The following GRK5 variants were observed in gnomAD, a reference collection of about 807,000 sequenced individuals.
GRK5 encodes the protein g protein-coupled receptor kinase GRK5.
Under a neutral mutation model 78.4 loss-of-function variants are expected in GRK5, and 40 were observed. The ratio of observed to expected loss-of-function variants is 0.51; its 90% confidence interval spans 0.40 to 0.66. The LOEUF (loss-of-function observed/expected upper bound fraction) is 0.66. Ranked by LOEUF, GRK5 falls within the 30% of genes least tolerant of loss-of-function variation. The pLI, the probability that GRK5 is intolerant of heterozygous loss-of-function variation, is 0.00. For missense variants in GRK5, 598 were observed against 759.9 expected, an observed-to-expected ratio of 0.79 and a Z score of 2.50; for synonymous variants, 289 against 296.8, an observed-to-expected ratio of 0.97 and a Z score of 0.27.
At chr10:119,406,589 G>C (rs1453150485) in intron 4 of GRK5, 3 of 507,394 alleles carry the variant, frequency 5.9e-6, no homozygotes, top group Non-Finnish European at 7.6e-6. Context: ...CCCCGGAACA[G>C]GTCATCCTGT....
chr10:119,442,076 G>A lies in GRK5; in HGVS notation c.1045G>A (p.Val349Ile). 6.2e-7 allele frequency: 1 copy of A among 1,613,802 alleles called. No homozygotes were observed. Among genetic ancestry groups the A allele is most frequent in the Non-Finnish European group, 8.5e-7 (1 of 1,179,770 alleles). Residue 349 changes from valine (V) to isoleucine (I), a missense_variant, in exon 11 of 16, where the codon GTT becomes ATT. By Grantham distance (29) the Val-to-Ile change is conservative (BLOSUM62 3). Transcript: ENST00000392870. ...GDLIRGRVGTVGYMAPEVLNN... is the reference protein window; with the variant it reads ...GDLIRGRVGTIGYMAPEVLNN... Reference sequence around the variant, plus strand: ...CCTGATCCGCGGCCGGGTGGGCACTGTTGGCTACATGGGTGAGTGCTGGGC... The same window carrying A: ...CCTGATCCGCGGCCGGGTGGGCACTATTGGCTACATGGGTGAGTGCTGGGC...
intron 9 of GRK5, 113 bp from the exon 10 acceptor site, chr10:119,439,618 G>A (rs1430870492): frequency 3.4e-6 from 3 of 894,644 alleles, no homozygotes; most frequent in Non-Finnish European, 3.6e-6. Flanking sequence ...AGGTGGGAAG[G>A]AAACACACTG....
intron 1 of GRK5, among the ~76,000 whole-genome samples, chr10:119,281,900 C>T (rs192826257): frequency 6.6e-6 from 1 of 152,316 alleles, no homozygotes; most frequent in Non-Finnish European, 1.5e-5. Flanking sequence ...GATCTCATTG[C>T]ACAGACAACA....
At chr10:119,295,646 C>T (rs2168221) in intron 1 of GRK5, among the ~76,000 whole-genome samples, 2,893 of 152,236 alleles carry the variant, frequency 0.019, 41 homozygotes, top group East Asian at 0.066. Context: ...GAATTAATGG[C>T]ATTTGCAGCG....
chr10:119,236,663 G>A lies in GRK5; in HGVS notation c.52+28694G>A, dbSNP rs568828730. 9.2e-4 allele frequency among the ~76,000 whole-genome samples: 140 copies of A among 151,894 alleles called. 1 individual carries two copies. Among genetic ancestry groups the A allele is most frequent in the African/African-American group, 2.3e-3 (97 of 41,402 alleles). ...TTAATTTTTTTCTTTTTTTTGAGAC[G>A]GAGTCTTGCTCTGTTGCTCAGGCTG... On this transcript the variant is annotated intron_variant, in intron 1 of 15. Transcript: ENST00000392870.
At chr10:119,432,870 A>C (rs948302791) in intron 8 of GRK5, among the ~76,000 whole-genome samples, 3 of 152,238 alleles carry the variant, frequency 2.0e-5, no homozygotes, top group African/African-American at 7.2e-5. Flanking sequence ...CAGGAGTTCA[A>C]GATCAACCTG....
chr10:119,240,693 G>C (rs1272492026), intron 1 of GRK5, among the ~76,000 whole-genome samples: 1 of 151,738 alleles, frequency 6.6e-6, no homozygotes, highest in Non-Finnish European at 1.5e-5. Context: ...TTTTTTTCTT[G>C]TAAATTTAAG....
At chr10:119,415,818 C>T (rs375786403) in intron 4 of GRK5, among the ~76,000 whole-genome samples, 49 of 152,322 alleles carry the variant, frequency 3.2e-4, no homozygotes, top group African/African-American at 1.0e-3. Flanking sequence ...ATCCTGGCCC[C>T]GCCATGGGCC....
intron 2 of GRK5, 22 bp from the exon 3 acceptor site, chr10:119,380,793 A>G (rs1468683088): frequency 1.3e-6 from 2 of 1,499,532 alleles, no homozygotes; most frequent in South Asian, 1.1e-5. Flanking sequence ...GTCTCATCAC[A>G]TTCTTCTTTT....
intron 1 of GRK5, among the ~76,000 whole-genome samples, chr10:119,251,638 G>A (rs1284694751): frequency 2.6e-5 from 4 of 152,128 alleles, no homozygotes; most frequent in South Asian, 2.1e-4. Flanking sequence ...GATGTCTGGG[G>A]GAAAGAAAAT....
intron 1 of GRK5, among the ~76,000 whole-genome samples, chr10:119,233,670 C>T: frequency 6.6e-6 from 1 of 152,130 alleles, no homozygotes. Flanking sequence ...TTAAAAGTCA[C>T]ATCCTTAGGG....
At position 119,207,876 on chromosome 10, in the gene GRK5, A is replaced by T; in HGVS notation, c.-42A>T. On this transcript the variant is annotated 5_prime_UTR_variant, in exon 1 of 16. Coordinates refer to ENST00000392870, the MANE Select transcript of GRK5 (RefSeq NM_005308.3). ...AGCAGCGGCAGCACCCCAGGCGCTG[A>T]CAGCCCCGCCGGCCGGCTCCGTTGC... 1 of 1,564,066 alleles carries T rather than the reference A, an allele frequency of 6.4e-7. No homozygotes were observed. Among genetic ancestry groups the T allele is most frequent in the Non-Finnish European group, 8.7e-7 (1 of 1,155,782 alleles).
intron 1 of GRK5, among the ~76,000 whole-genome samples, chr10:119,218,325 AG>A (rs1028875246): frequency 3.9e-5 from 6 of 152,118 alleles, no homozygotes; most frequent in African/African-American, 1.4e-4. Flanking sequence ...AGGGAAGGGG[AG>A]GGGGTAGGAG....
chr10:119,260,885 A>G (rs1243673293), intron 1 of GRK5, among the ~76,000 whole-genome samples: 1 of 151,934 alleles, frequency 6.6e-6, no homozygotes, highest in Admixed American at 6.6e-5. Context: ...CAAAACCGCC[A>G]TTGTCATCAT....
intron 1 of GRK5, among the ~76,000 whole-genome samples, chr10:119,255,553 G>T (rs1849268636): frequency 1.3e-5 from 2 of 152,158 alleles, no homozygotes; most frequent in African/African-American, 4.8e-5. Context: ...AACACCGCTG[G>T]CTCATTATCA....
intron 2 of GRK5, among the ~76,000 whole-genome samples, chr10:119,371,852 G>A (rs1482540567): frequency 5.3e-5 from 8 of 152,240 alleles, no homozygotes. Context: ...GTGTGCTGAG[G>A]CTGGGCCAGG....
At chr10:119,402,638 A>AG (rs1731196313) in intron 4 of GRK5, among the ~76,000 whole-genome samples, 1 of 152,178 alleles carries the variant, frequency 6.6e-6, no homozygotes, top group South Asian at 2.1e-4. Flanking sequence ...GGATCACCTG[A>AG]GGTCAGGGGT....
At chr10:119,263,429 G>C (rs561558191) in intron 1 of GRK5, among the ~76,000 whole-genome samples, 2 of 152,178 alleles carry the variant, frequency 1.3e-5, no homozygotes, top group Admixed American at 1.3e-4. Context: ...GTGTGTGTGT[G>C]CATGTGTAAA....
At position 119,430,366 on chromosome 10, in the gene GRK5, T is replaced by C. The variant is rs755162373; in HGVS notation, c.534-9T>C. 2.7e-5 allele frequency: 44 copies of C among 1,613,358 alleles called. No individual in the cohort carries two copies. Among genetic ancestry groups the C allele is most frequent in the Non-Finnish European group, 3.6e-5 (42 of 1,179,530 alleles). ...CATGAGACCAGTGTGGGATTCTTCT[T>C]TCTTCCAGGCAACCGGTGACCAAAA... On this transcript the variant is annotated splice_polypyrimidine_tract_variant and intron_variant, in intron 6 of 15. Transcript: ENST00000392870. The surrounding 1 kb of genome is among the most constrained non-coding windows in gnomAD (Gnocchi z 4.5).
Sources: allele counts gnomAD v4.1 joint callset (sites outside exome capture counted in the v4.1 genomes callset), GRCh38; gene constraint gnomAD v4.1.1; non-coding constraint Gnocchi (gnomAD v3.1); transcripts MANE v1.5; gene names NCBI Gene and HGNC (gene_info 2026-07-23, HGNC 2026-07-21).